The following CSE1L variants were observed in gnomAD, a reference collection of about 807,000 sequenced individuals.
CSE1L encodes chromosome segregation 1 like, also known as exportin-2.
CSE1L carries 24 observed loss-of-function variants against 120.4 expected under a neutral mutation model. That is an observed-to-expected ratio of 0.20 (90% confidence interval 0.14 to 0.28). The LOEUF is 0.28. Ranked by LOEUF, CSE1L falls within the 10% of genes least tolerant of loss-of-function variation. The probability of loss-of-function intolerance (pLI) is 1.00; values close to 1 mark genes in which losing one functional copy is unlikely to be tolerated. For synonymous variants in CSE1L, 402 were observed against 398.3 expected (o/e 1.01, Z -0.11); for missense variants, 830 against 1,145.2 (o/e 0.72, Z 3.97).
chr20:49,094,378 G>T, intron 23 of CSE1L, 92 bp downstream of exon 23: 1 of 1,256,922 alleles, frequency 8.0e-7, no homozygotes, highest in Non-Finnish European at 1.1e-6. Flanking sequence ...GGGGCCAAGA[G>T]AATCTTGGTC....
intron 2 of CSE1L, among the ~76,000 whole-genome samples, chr20:49,061,368 T>C (rs1193666607): frequency 6.6e-6 from 1 of 150,832 alleles, no homozygotes; most frequent in African/African-American, 2.4e-5. Context: ...GAGACAGGGT[T>C]TCACCGTGTT....
At chr20:49,061,789 C>A (rs929100351) in intron 2 of CSE1L, among the ~76,000 whole-genome samples, 2 of 152,054 alleles carry the variant, frequency 1.3e-5, no homozygotes, top group Non-Finnish European at 2.9e-5. Context: ...AGGTGTGAGC[C>A]ACCGCACCCG....
At chr20:49,077,873 G>A (rs533626280) in intron 13 of CSE1L, among the ~76,000 whole-genome samples, 3 of 152,006 alleles carry the variant, frequency 2.0e-5, no homozygotes, top group African/African-American at 4.8e-5. Flanking sequence ...GCGTGGTGGC[G>A]TGTGCCTGTA....
intron 21 of CSE1L, 60 bp from the exon 22 acceptor site, chr20:49,091,986 T>C (rs143340958): frequency 4.2e-5 from 37 of 884,786 alleles, no homozygotes; most frequent in East Asian, 2.2e-4. Flanking sequence ...TGCAGACTTA[T>C]CAGTTACCAG....
chr20:49,074,176 A>AGTGTGTGTGTGTGTGTGTGTGT (rs71184254), intron 10 of CSE1L, among the ~76,000 whole-genome samples: 4 of 115,424 alleles, frequency 3.5e-5, no homozygotes, highest in Non-Finnish European at 5.2e-5. Context: ...ATACAACTGC[A>AGTGTGTGTGTGTGTGTGTGTGT]GTGTGTGTGT....
chr20:49,046,804 T>C (rs186200704), intron 1 of CSE1L, among the ~76,000 whole-genome samples: 4 of 152,360 alleles, frequency 2.6e-5, no homozygotes, highest in African/African-American at 7.2e-5. Context: ...CGCGCTCGCA[T>C]GTCCATTCTC....
At chr20:49,050,538 G>A (rs1222235185) in intron 1 of CSE1L, among the ~76,000 whole-genome samples, 1 of 151,374 alleles carries the variant, frequency 6.6e-6, no homozygotes, top group Admixed American at 6.6e-5. Flanking sequence ...GAGTAGCTGG[G>A]ATTACAGGCG....
intron 16 of CSE1L, among the ~76,000 whole-genome samples, chr20:49,087,596 C>A (rs56228039): frequency 0.11 from 16,100 of 152,014 alleles, 997 homozygotes; most frequent in Non-Finnish European, 0.13. Flanking sequence ...CTCAAGTGAT[C>A]CGCCAGCCTC....
intron 1 of CSE1L, among the ~76,000 whole-genome samples, chr20:49,053,718 G>A (rs181075617): frequency 6.6e-6 from 1 of 152,250 alleles, no homozygotes; most frequent in Admixed American, 6.5e-5. Context: ...AAAATAAATG[G>A]ATTAAATCAT....
intron 7 of CSE1L, among the ~76,000 whole-genome samples, chr20:49,069,189 G>T (rs1337774231): frequency 6.6e-6 from 1 of 152,098 alleles, no homozygotes; most frequent in Non-Finnish European, 1.5e-5. Flanking sequence ...TTTGGTTAGG[G>T]GTTGCTGTCC....
At position 49,085,305 on chromosome 20, in the gene CSE1L, C is replaced by T; in HGVS notation, c.1642C>T (p.Pro548Ser). The T allele has an allele frequency of 6.2e-7, 1 of 1,613,900 alleles. No individual in the cohort carries two copies. The highest frequency in any genetic ancestry group is 8.5e-7 in the Non-Finnish European group (1 of 1,179,912). Residue 548 changes from proline to serine, a missense_variant, in exon 16 of 25, where the codon CCG becomes TCG. Coordinates refer to ENST00000262982, the MANE Select transcript of CSE1L (RefSeq NM_001316.4). ...TAGCTTTACAGCTGCAGAAATCGCA[C>T]CGTTTGTTGAGATTCTGCTAACAAA... ...ATLFTAAEIAPFVEILLTNLF... is the reference protein window; with the variant it reads ...ATLFTAAEIASFVEILLTNLF...
chr20:49,067,207 A>T lies in CSE1L; in HGVS notation c.494A>T (p.Lys165Met). 6.2e-7 allele frequency: 1 copy of T among 1,608,996 alleles called. No individual in the cohort carries two copies. Among genetic ancestry groups the T allele is most frequent in the South Asian group, 1.1e-5 (1 of 89,904 alleles). ...SLFKRYRHEF[K>M]SNELWTEIKL... ...TTTTCTAGATACCGTCATGAATTTA[A>T]GTCAAACGAGTTATGGACTGAAATT... Residue 165 changes from lysine (K) to methionine (M), a missense_variant, in exon 6 of 25, where the codon AAG becomes ATG. Transcript: ENST00000262982.
At chr20:49,087,933 T>A in intron 16 of CSE1L, 76 bp from the exon 17 acceptor site, 1 of 978,834 alleles carries the variant, frequency 1.0e-6, no homozygotes, top group Non-Finnish European at 1.5e-6. Context: ...TTAGTGCGCT[T>A]TTTTCCCCCC....
chr20:49,089,977 T>C (rs959339927), intron 19 of CSE1L, among the ~76,000 whole-genome samples: 3 of 151,940 alleles, frequency 2.0e-5, no homozygotes, highest in African/African-American at 7.3e-5. Flanking sequence ...GCTTTTTAAT[T>C]AGTTGGACAC....
intron 18 of CSE1L, 25 bp from the exon 19 acceptor site, chr20:49,089,513 G>A: frequency 6.2e-7 from 1 of 1,611,084 alleles, no homozygotes; most frequent in Non-Finnish European, 8.5e-7. Flanking sequence ...GAAGCTCACA[G>A]CTCTGTTTTT....
chr20:49,046,820 C>T (rs1241620608), intron 1 of CSE1L, among the ~76,000 whole-genome samples: 1 of 152,258 alleles, frequency 6.6e-6, no homozygotes, highest in Non-Finnish European at 1.5e-5. Flanking sequence ...TTCTCTGCGA[C>T]GGTGGCTGCT....
At chr20:49,055,794 G>A (rs1311041801) in intron 1 of CSE1L, among the ~76,000 whole-genome samples, 3 of 152,044 alleles carry the variant, frequency 2.0e-5, no homozygotes, top group African/African-American at 7.2e-5. Context: ...AGAAAAGTAT[G>A]AAGAGAATAA....
chr20:49,094,427 T>G, intron 23 of CSE1L, 141 bp downstream of exon 23: 1 of 819,278 alleles, frequency 1.2e-6, no homozygotes, highest in Non-Finnish European at 2.0e-6. Context: ...AAGACATGAT[T>G]TCTGGATCCT....
In CSE1L at chr20:49,094,252, C is replaced by A; in HGVS notation, c.2560C>A (p.Pro854Thr). The A allele has an allele frequency of 6.2e-7, 1 of 1,612,970 alleles. No individual in the cohort carries two copies. The highest frequency in any genetic ancestry group is 1.1e-5 in the South Asian group (1 of 90,820). Residue 854 changes from proline (P) to threonine (T), a missense_variant, in exon 23 of 25, where the codon CCC becomes ACC. Pro to Thr is a conservative substitution (Grantham distance 38, BLOSUM62 -1). Coordinates refer to ENST00000262982, the MANE Select transcript of CSE1L (RefSeq NM_001316.4). ...VGITKLLTEC[P>T]PMMDTEYTKL... ...CATAACCAAATTACTAACAGAATGT[C>A]CCCCAATGATGGACACTGAGTATAC... is the stretch of plus-strand genomic sequence containing the variant.
Sources: allele counts gnomAD v4.1 joint callset (sites outside exome capture counted in the v4.1 genomes callset), GRCh38; gene constraint gnomAD v4.1.1; transcripts MANE v1.5; gene names NCBI Gene and HGNC (gene_info 2026-07-23, HGNC 2026-07-21).